FHIT: variants seen among roughly 807,000 people sequenced by gnomAD.
FHIT encodes bis(5'-adenosyl)-triphosphatase.
Under a neutral mutation model 17.9 loss-of-function variants are expected in FHIT, and 19 were observed. The observed-to-expected ratio is 1.06, with a 90% CI of 0.74 to 1.56. The LOEUF is 1.56. Among genes scored for constraint, FHIT ranks in the 40% most tolerant of loss-of-function variants. The pLI is 0.00. For missense variants in FHIT, 248 were observed against 189.2 expected (o/e 1.31, Z -1.82); for synonymous variants, 81 against 69.7 (o/e 1.16, Z -0.81).
intron 5 of FHIT, among the ~76,000 whole-genome samples, chr3:60,437,193 G>A (rs942479048): frequency 6.6e-6 from 1 of 152,070 alleles, no homozygotes; most frequent in East Asian, 1.9e-4. Flanking sequence ...TTGATCAATA[G>A]TTGGCATAAA....
At chr3:60,995,172 T>A (rs902421824) in intron 3 of FHIT, among the ~76,000 whole-genome samples, 3 of 151,598 alleles carry the variant, frequency 2.0e-5, no homozygotes, top group Non-Finnish European at 4.4e-5. Context: ...ATAGAAAAAA[T>A]TAGCCGGGCG....
intron 5 of FHIT, among the ~76,000 whole-genome samples, chr3:60,029,630 T>G (rs546680797): frequency 3.2e-4 from 49 of 152,320 alleles, no homozygotes; most frequent in African/African-American, 1.1e-3. Context: ...ACTGTCTACC[T>G]AAATAACAGA....
intron 3 of FHIT, among the ~76,000 whole-genome samples, chr3:60,969,318 T>C (rs1013405709): frequency 6.6e-6 from 1 of 152,148 alleles, no homozygotes; most frequent in Admixed American, 6.5e-5. Flanking sequence ...CTTACTAATA[T>C]CTTTTTTAGT....
At chr3:61,202,747 G>T (rs1052769097) in intron 1 of FHIT, among the ~76,000 whole-genome samples, 1 of 152,106 alleles carries the variant, frequency 6.6e-6, no homozygotes, top group Admixed American at 6.5e-5. Flanking sequence ...CATGTCATTA[G>T]CAAAAATGAA....
intron 7 of FHIT, among the ~76,000 whole-genome samples, chr3:59,997,361 G>T (rs1699556453): frequency 6.6e-6 from 1 of 152,024 alleles, no homozygotes; most frequent in Non-Finnish European, 1.5e-5. Flanking sequence ...GGACCACAAG[G>T]TAAATATTTC....
chr3:60,013,874 A>C, intron 6 of FHIT, 133 bp downstream of exon 6: 1 of 901,882 alleles, frequency 1.1e-6, no homozygotes, highest in Non-Finnish European at 1.7e-6. Flanking sequence ...TGCATTAGAA[A>C]TCTCTTTTTT....
intron 2 of FHIT, among the ~76,000 whole-genome samples, chr3:61,059,478 G>A (rs950320209): frequency 1.2e-4 from 16 of 136,906 alleles, no homozygotes; most frequent in Admixed American, 1.0e-3. Flanking sequence ...ACCTATTCTT[G>A]TGCTTTTTTA....
At chr3:60,019,241 C>T (rs574261420) in intron 5 of FHIT, among the ~76,000 whole-genome samples, 14 of 151,964 alleles carry the variant, frequency 9.2e-5, no homozygotes, top group Non-Finnish European at 1.5e-4. Context: ...ACAAGCCAAC[C>T]CAGATTCAAG....
intron 5 of FHIT, among the ~76,000 whole-genome samples, chr3:60,081,910 ATT>A (rs111658268): frequency 6.7e-6 from 1 of 149,382 alleles, no homozygotes; most frequent in Non-Finnish European, 1.5e-5. Context: ...ACGTTAAGTG[ATT>A]TTTTTTTTTG....
At position 59,896,411 on chromosome 3, in the gene FHIT, A is replaced by G. The variant is rs75038166; in HGVS notation, c.348+25935T>C. Among the ~76,000 whole-genome samples the G allele has an allele frequency of 8.1e-4, 124 of 152,350 alleles. 1 individual carries two copies. The highest frequency in any genetic ancestry group is 2.5e-3 in the African/African-American group (106 of 41,574). On this transcript the variant is annotated intron_variant, in intron 8 of 9. Transcript: ENST00000492590. ...CTAGAATTTTCAAATTAAACTCCAA[A>G]TAGCATCCTTTATTTAACTGCGATC... is the stretch of plus-strand genomic sequence containing the variant.
chr3:61,223,699 T>A (rs2039896118), intron 1 of FHIT, among the ~76,000 whole-genome samples: 1 of 152,200 alleles, frequency 6.6e-6, no homozygotes, highest in African/African-American at 2.4e-5. Flanking sequence ...AAGTCCCCAA[T>A]CCCTGACTCG....
intron 5 of FHIT, among the ~76,000 whole-genome samples, chr3:60,532,108 T>C (rs1466039479): frequency 1.3e-5 from 2 of 152,218 alleles, no homozygotes; most frequent in Non-Finnish European, 2.9e-5. Context: ...CTCTTTTTAA[T>C]AACTGATTCA....
intron 5 of FHIT, among the ~76,000 whole-genome samples, chr3:60,476,779 C>G (rs563776429): frequency 3.2e-4 from 48 of 152,114 alleles, no homozygotes; most frequent in African/African-American, 1.1e-3. Flanking sequence ...TGTGAAAACT[C>G]AGCTTCTGGC....
At chr3:61,093,756 T>C (rs988008003) in intron 2 of FHIT, among the ~76,000 whole-genome samples, 2 of 152,192 alleles carry the variant, frequency 1.3e-5, no homozygotes, top group Non-Finnish European at 2.9e-5. Flanking sequence ...AGGCATGATA[T>C]TCACCCCTGA....
chr3:60,333,160 G>A (rs181541308), intron 5 of FHIT, among the ~76,000 whole-genome samples: 5 of 152,294 alleles, frequency 3.3e-5, no homozygotes, highest in Admixed American at 2.6e-4. Flanking sequence ...AAATGAAAGC[G>A]CATATTGCTT....
At position 60,133,975 on chromosome 3, in the gene FHIT, C is replaced by T. The variant is rs571613247; in HGVS notation, c.104-119823G>A. On this transcript the variant is annotated intron_variant, in intron 5 of 9. Transcript: ENST00000492590. ...GCTGGAATCCTAGGTTTATTTATTA[C>T]TGTGCACAGTTCTTACATTAACTGT... is the stretch of plus-strand genomic sequence containing the variant. Among the ~76,000 whole-genome samples the T allele has an allele frequency of 3.0e-4, 46 of 151,768 alleles. 1 individual carries two copies. The South Asian group carries it at 9.4e-3, about 31-fold the overall frequency.
intron 5 of FHIT, among the ~76,000 whole-genome samples, chr3:60,486,475 A>C (rs1043391244): frequency 6.6e-6 from 1 of 152,140 alleles, no homozygotes; most frequent in Admixed American, 6.6e-5. Context: ...AACATTAATC[A>C]GTCAGTTTAG....
intron 4 of FHIT, among the ~76,000 whole-genome samples, chr3:60,634,055 T>G (rs2039516651): frequency 6.6e-6 from 1 of 152,208 alleles, no homozygotes; most frequent in South Asian, 2.1e-4. Flanking sequence ...TTGAGTAACA[T>G]GAGCCTGTTT....
rs57414828 is a variant in FHIT at position 60,027,148 on chromosome 3, C to CAAAAAA, written c.104-12997_104-12996insTTTTTT. 2.4e-3 allele frequency among the ~76,000 whole-genome samples: 305 copies of CAAAAAA among 125,842 alleles called. 2 individuals are homozygous for CAAAAAA. Among genetic ancestry groups the CAAAAAA allele is most frequent in the African/African-American group, 8.0e-3 (295 of 36,948 alleles). 82.6% of individuals were successfully genotyped at this position (125,842 alleles called of 152,430 possible). A position where few individuals can be genotyped will look rare whatever the true frequency, so the allele number is the denominator to read the frequency against. On this transcript the variant is annotated intron_variant, in intron 5 of 9. Coordinates refer to ENST00000492590, the MANE Select transcript of FHIT (RefSeq NM_002012.4). ...ACACACACACACACACACACACACA[C>CAAAAAA]AAAATTAGTAAACCCAATAATCCAC... is the stretch of plus-strand genomic sequence containing the variant.
Sources: allele counts gnomAD v4.1 joint callset (sites outside exome capture counted in the v4.1 genomes callset), GRCh38; gene constraint gnomAD v4.1.1; transcripts MANE v1.5; gene names NCBI Gene and HGNC (gene_info 2026-07-23, HGNC 2026-07-21).